TMEM87A: variants seen among roughly 807,000 people sequenced by gnomAD.
The protein encoded by TMEM87A is Golgi-pH regulating cation channel.
In TMEM87A, 50 loss-of-function variants were observed where a neutral mutation model predicts 90.0. The ratio of observed to expected loss-of-function variants is 0.56; its 90% confidence interval spans 0.44 to 0.70. TMEM87A has a LOEUF of 0.70. Among genes scored for constraint, TMEM87A ranks in the 30% least tolerant of loss-of-function variants. The probability of loss-of-function intolerance (pLI) is 0.00; values close to 1 mark genes in which losing one functional copy is unlikely to be tolerated. For synonymous variants in TMEM87A, 226 were observed against 226.7 expected, an observed-to-expected ratio of 1.00 and a Z score of 0.03; for missense variants, 577 against 660.5, an observed-to-expected ratio of 0.87 and a Z score of 1.39.
intron 19 of TMEM87A, among the ~76,000 whole-genome samples, chr15:42,214,746 C>T (rs1007213203): frequency 6.6e-6 from 1 of 152,180 alleles, no homozygotes; most frequent in African/African-American, 2.4e-5. Context: ...AACCACAAAA[C>T]TCCTAGAAGA....
At chr15:42,243,698 T>C (rs556782622) in intron 7 of TMEM87A, among the ~76,000 whole-genome samples, 2 of 152,054 alleles carry the variant, frequency 1.3e-5, no homozygotes, top group East Asian at 1.9e-4. Flanking sequence ...TTTGTATTTT[T>C]AGTAGAGACG....
intron 2 of TMEM87A, among the ~76,000 whole-genome samples, chr15:42,271,009 C>T (rs191434733): frequency 8.5e-5 from 13 of 152,288 alleles, no homozygotes; most frequent in Non-Finnish European, 1.2e-4. Flanking sequence ...TTTGCACTTC[C>T]GTGAAGACAG....
At chr15:42,259,391 A>G (rs1210019303) in intron 6 of TMEM87A, among the ~76,000 whole-genome samples, 1 of 152,116 alleles carries the variant, frequency 6.6e-6, no homozygotes, top group East Asian at 1.9e-4. Flanking sequence ...CCCAAAGGAA[A>G]AAATACATTT....
chr15:42,211,538 A>C lies in TMEM87A; in HGVS notation c.*170T>G. On this transcript the variant is annotated 3_prime_UTR_variant, in exon 20 of 20. Coordinates refer to ENST00000389834, the MANE Select transcript of TMEM87A (RefSeq NM_015497.5). ...TCATCTTATGAACTTGTTTTCAGTA[A>C]GATGTTCTCTTTGTTCTGACACCTC... 2 of 615,658 alleles carry C rather than the reference A, an allele frequency of 3.2e-6. No homozygotes were observed. The highest frequency in any genetic ancestry group is 5.6e-6 in the Non-Finnish European group (2 of 354,668). The allele number at this position is 615,658 out of a possible 1,614,324, so 38.1% of individuals were successfully genotyped here.
intron 15 of TMEM87A, among the ~76,000 whole-genome samples, chr15:42,225,761 T>A (rs1158421291): frequency 2.0e-5 from 3 of 152,186 alleles, no homozygotes; most frequent in East Asian, 3.8e-4. Context: ...TGGCTCAAAC[T>A]CCTGGATTCA....
chr15:42,245,060 T>C (rs997338374), intron 6 of TMEM87A, among the ~76,000 whole-genome samples: 1 of 152,082 alleles, frequency 6.6e-6, no homozygotes, highest in African/African-American at 2.4e-5. Flanking sequence ...AGTTCAAAAA[T>C]TATATTCCAT....
intron 6 of TMEM87A, among the ~76,000 whole-genome samples, chr15:42,248,138 C>T (rs2051013430): frequency 6.6e-6 from 1 of 152,116 alleles, no homozygotes; most frequent in African/African-American, 2.4e-5. Context: ...ATTTTGTATC[C>T]TGAGACTTTG....
At chr15:42,259,126 G>A (rs149049254) in intron 6 of TMEM87A, 2 of 631,512 alleles carry the variant, frequency 3.2e-6, no homozygotes, top group African/African-American at 1.8e-5. Flanking sequence ...CTAGGCAAAG[G>A]GGGTAGGGGA....
chr15:42,267,129 G>A (rs1489190559), intron 3 of TMEM87A, among the ~76,000 whole-genome samples: 1 of 152,150 alleles, frequency 6.6e-6, no homozygotes, highest in Non-Finnish European at 1.5e-5. Flanking sequence ...ATGAGATGAA[G>A]AGGGCAGGGT....
Position 42,237,561 on chromosome 15 carries a change from A to G in TMEM87A, c.739T>C (p.Trp247Arg), listed in dbSNP as rs2050793977. Residue 247 changes from tryptophan (W) to arginine (R), a missense_variant, in exon 9 of 20, where the codon TGG becomes CGG. By Grantham distance (101) the Trp-to-Arg change is moderately radical. Coordinates refer to ENST00000389834, the MANE Select transcript of TMEM87A (RefSeq NM_015497.5). ...YVLFGVLWLA[W>R]SACYWRDLLR... ...AGATCTCTCCAGTAGCAGGCAGACCATGCCAGCCACAGAACACCAAACAGG... is the reference window on the plus strand; with the variant it reads ...AGATCTCTCCAGTAGCAGGCAGACCGTGCCAGCCACAGAACACCAAACAGG... The G allele has an allele frequency of 1.2e-6, 2 of 1,614,158 alleles. No homozygotes were observed. Among genetic ancestry groups the G allele is most frequent in the Non-Finnish European group, 1.7e-6 (2 of 1,180,012 alleles).
intron 2 of TMEM87A, among the ~76,000 whole-genome samples, chr15:42,268,792 T>TG (rs1284806456): frequency 6.6e-6 from 1 of 152,178 alleles, no homozygotes; most frequent in Non-Finnish European, 1.5e-5. Context: ...AAAGGCTAGT[T>TG]GAAGAGACAA....
chr15:42,215,938 A>AGGG (rs2050376598), intron 19 of TMEM87A, among the ~76,000 whole-genome samples: 1 of 152,214 alleles, frequency 6.6e-6, no homozygotes, highest in Non-Finnish European at 1.5e-5. Flanking sequence ...GTGCACTCCC[A>AGGG]TGTTCACTGC....
At chr15:42,229,322 T>C (rs1021885246) in intron 12 of TMEM87A, among the ~76,000 whole-genome samples, 2 of 150,988 alleles carry the variant, frequency 1.3e-5, no homozygotes, top group Non-Finnish European at 2.9e-5. Flanking sequence ...TCATTTTCAA[T>C]GAGACATTAA....
chr15:42,227,889 T>C (rs1187786894), intron 13 of TMEM87A, 120 bp from the exon 14 acceptor site: 2 of 773,366 alleles, frequency 2.6e-6, no homozygotes, highest in Non-Finnish European at 4.4e-6. Flanking sequence ...ACATCACAAC[T>C]CTATCAGTTA....
intron 8 of TMEM87A, among the ~76,000 whole-genome samples, chr15:42,237,865 A>T (rs1360365402): frequency 6.6e-6 from 1 of 152,156 alleles, no homozygotes; most frequent in Non-Finnish European, 1.5e-5. Flanking sequence ...ACAAAAATAT[A>T]TTCTACCTTC....
rs570140647 is a variant in TMEM87A at position 42,247,926 on chromosome 15, T to G, written c.505-3759A>C. Among the ~76,000 whole-genome samples, 768 of 152,354 alleles carry G rather than the reference T, an allele frequency of 5.0e-3. 7 individuals carry two copies. Among genetic ancestry groups the G allele is most frequent in the African/African-American group, 0.018 (728 of 41,566 alleles). The stretch of plus-strand genomic sequence containing the variant: ...ATTCTTCCTATCCATGAGCATGGAA[T>G]GTTCTTCCATTTGTTTGTGTCCTCT... On this transcript the variant is annotated intron_variant, in intron 6 of 19. Coordinates refer to ENST00000389834, the MANE Select transcript of TMEM87A (RefSeq NM_015497.5).
chr15:42,257,134 T>G (rs1447467959), intron 6 of TMEM87A, among the ~76,000 whole-genome samples: 1 of 152,174 alleles, frequency 6.6e-6, no homozygotes, highest in African/African-American at 2.4e-5. Context: ...AGATGGAAAC[T>G]CACTGCTATG....
At chr15:42,212,560 G>A (rs2050309828) in intron 19 of TMEM87A, among the ~76,000 whole-genome samples, 1 of 151,980 alleles carries the variant, frequency 6.6e-6, no homozygotes, top group Non-Finnish European at 1.5e-5. Context: ...TCTCTGTGTT[G>A]GACCCTTTAT....
chr15:42,247,011 T>C (rs1296505214), intron 6 of TMEM87A, among the ~76,000 whole-genome samples: 1 of 151,876 alleles, frequency 6.6e-6, no homozygotes, highest in South Asian at 2.1e-4. Flanking sequence ...TGGTATCTCA[T>C]TGTGGTTTTG....
Sources: allele counts gnomAD v4.1 joint callset (sites outside exome capture counted in the v4.1 genomes callset), GRCh38; gene constraint gnomAD v4.1.1; transcripts MANE v1.5; gene names NCBI Gene and HGNC (gene_info 2026-07-23, HGNC 2026-07-21).